KIAA1586: variants seen among roughly 807,000 people sequenced by gnomAD.
KIAA1586 encodes KIAA1586.
Under a neutral mutation model 6.1 loss-of-function variants are expected in KIAA1586, and 5 were observed. The ratio of observed to expected loss-of-function variants is 0.82; its 90% CI spans 0.43 to 1.73. The LOEUF (loss-of-function observed/expected upper bound fraction) is 1.73. KIAA1586 is among the 40% of genes most tolerant of loss of function. The probability of loss-of-function intolerance (pLI) is 0.02; values close to 1 mark genes in which losing one functional copy is unlikely to be tolerated. For synonymous variants in KIAA1586, 280 were observed against 301.7 expected (o/e 0.93, Z 0.75); for missense variants, 899 against 878.2 (o/e 1.02, Z -0.30).
chr6:57,053,347 A>C lies in KIAA1586; in HGVS notation c.848A>C (p.Asn283Thr). ...AAAAATGGAGAGGTAAATTGTTTAA[A>C]TACACGTTACAGTGCAACAAGAATA... ...QEKNGEVNCL[N>T]TRYSATRIAE... Residue 283 changes from asparagine to threonine, a missense_variant, in exon 4 of 4, where the codon AAT (asparagine) becomes ACT (threonine). Asn to Thr is a moderately conservative substitution (Grantham distance 65). Transcript: ENST00000370733. 6.2e-7 allele frequency: 1 copy of C among 1,612,684 alleles called. No homozygotes were observed. Among genetic ancestry groups the C allele is most frequent in the East Asian group, 2.2e-5 (1 of 44,826 alleles).
rs1382887371 is a variant in KIAA1586 at position 57,054,727 on chromosome 6, T to C, written c.2228T>C (p.Leu743Ser). 1 of 1,551,462 alleles carries C rather than the reference T, an allele frequency of 6.4e-7. No individual in the cohort carries two copies. Among genetic ancestry groups the C allele is most frequent in the Non-Finnish European group, 8.7e-7 (1 of 1,146,844 alleles). ...LMTINLLGKE[L>S]ADWDATPFVK... is the part of the protein sequence containing the mutation. ...ACAATAAATTTACTGGGGAAAGAATTAGCAGATTGGGATGCAACACCGTTT... is the reference window on the plus strand; with the variant it reads ...ACAATAAATTTACTGGGGAAAGAATCAGCAGATTGGGATGCAACACCGTTT... The change falls in exon 4 of 4, where the codon TTA (leucine) becomes TCA (serine). Residue 743 changes from leucine (L) to serine (S), a missense_variant. Physicochemically the swap from Leu to Ser is moderately radical, Grantham distance 145. Transcript: ENST00000370733.
chr6:57,046,872 C>G, intron 1 of KIAA1586, 96 bp downstream of exon 1: 1 of 1,486,768 alleles, frequency 6.7e-7, no homozygotes. Context: ...GTCGCAGCCT[C>G]GGGGCGATAC....
chr6:57,054,851 G>T lies in KIAA1586; in HGVS notation c.2352G>T (p.Trp784Cys). The change falls in exon 4 of 4, where the codon TGG becomes TGT. Residue 784 changes from tryptophan (W) to cysteine (C), a missense_variant. Coordinates refer to ENST00000370733, the MANE Select transcript of KIAA1586 (RefSeq NM_020931.4). Reference sequence around the variant, plus strand: ...TCCATGAGAATCAATTGGCTATATGGAACTTAAAATAGAATATTGTATACG... The same window carrying T: ...TCCATGAGAATCAATTGGCTATATGTAACTTAAAATAGAATATTGTATACG... Reference protein sequence around the residue: ...KVFHENQLAIWNLK With the variant: ...KVFHENQLAICNLK 6.5e-7 allele frequency: 1 copy of T among 1,547,218 alleles called. No homozygotes were observed. Among genetic ancestry groups the T allele is most frequent in the Non-Finnish European group, 8.7e-7 (1 of 1,144,468 alleles).
At chr6:57,065,879 A>G in the KIAA1586 span, among the ~76,000 whole-genome samples, 1 of 152,208 alleles carries the variant, frequency 6.6e-6, no homozygotes, top group Non-Finnish European at 1.5e-5. Flanking sequence ...GACTGAATAC[A>G]TGGCCTATCT....
At chr6:57,055,663 C>A (rs111493140), downstream of KIAA1586, among the ~76,000 whole-genome samples, 1 of 152,078 alleles carries the variant, frequency 6.6e-6, no homozygotes, top group Non-Finnish European at 1.5e-5. Context: ...TTATTTTAAT[C>A]ATGATTAAAT....
chr6:57,053,117 A>G lies in KIAA1586; in HGVS notation c.618A>G (p.Lys206=), dbSNP rs765533267. 2 of 1,610,736 alleles carry G rather than the reference A, an allele frequency of 1.2e-6. No individual in the cohort carries two copies. Among genetic ancestry groups the G allele is most frequent in the East Asian group, 2.2e-5 (1 of 44,850 alleles). Residue 206 remains lysine, a synonymous_variant, in exon 4 of 4, where the codon AAA becomes AAG. Coordinates refer to ENST00000370733, the MANE Select transcript of KIAA1586 (RefSeq NM_020931.4). ...CTAGGCAAGCTTCTCTACGAAAAAAAATTAGGGAACATGATGTTTCTAAAG... is the reference window on the plus strand; with the variant it reads ...CTAGGCAAGCTTCTCTACGAAAAAAGATTAGGGAACATGATGTTTCTAAAG... ...KTTRQASLRK[K]IREHDVSKAH...
the KIAA1586 span, among the ~76,000 whole-genome samples, chr6:57,060,264 T>C: frequency 6.6e-6 from 1 of 152,096 alleles, no homozygotes; most frequent in African/African-American, 2.4e-5. Flanking sequence ...CCTGGCACAG[T>C]TTTAGGGATG....
chr6:57,058,511 A>G (rs962811477), downstream of KIAA1586, among the ~76,000 whole-genome samples: 6 of 152,216 alleles, frequency 3.9e-5, no homozygotes, highest in Admixed American at 6.5e-5. Context: ...TTTTCTTCCA[A>G]TAACAGGGAT....
Position 57,053,655 on chromosome 6 carries a change from G to A in KIAA1586, c.1156G>A (p.Ala386Thr). The change falls in exon 4 of 4, where the codon GCA (alanine) becomes ACA (threonine). Residue 386 changes from alanine (A) to threonine (T), a missense_variant. Coordinates refer to ENST00000370733, the MANE Select transcript of KIAA1586 (RefSeq NM_020931.4). ...TNEYLKANLI[A>T]FCSDGANTIL... is the part of the protein sequence containing the mutation. ...TGAATATTTGAAAGCAAATTTAATT[G>A]CATTTTGTTCTGATGGTGCTAATAC... The A allele has an allele frequency of 6.2e-7, 1 of 1,611,708 alleles. No individual in the cohort carries two copies. Among genetic ancestry groups the A allele is most frequent in the Non-Finnish European group, 8.5e-7 (1 of 1,178,348 alleles).
chr6:57,064,953 T>C, the KIAA1586 span, among the ~76,000 whole-genome samples: 1 of 152,176 alleles, frequency 6.6e-6, no homozygotes, highest in African/African-American at 2.4e-5. Context: ...AGATATTCTC[T>C]GTGCTTTTTC....
In KIAA1586 at chr6:57,053,062, T is replaced by C. The variant is rs1386353906; in HGVS notation, c.563T>C (p.Leu188Ser). The C allele has an allele frequency of 3.1e-6, 5 of 1,613,146 alleles. No homozygotes were observed. The East Asian group carries it at 8.9e-5, about 29-fold the overall frequency. Residue 188 changes from leucine to serine, a missense_variant, in exon 4 of 4, where the codon TTA becomes TCA. By Grantham distance (145) the Leu-to-Ser change is moderately radical. Coordinates refer to ENST00000370733, the MANE Select transcript of KIAA1586 (RefSeq NM_020931.4). ...GTGTCCAAGGAATGGATTGCATATTTAGTAACCCCTAATGGCAGTAATAAA... is the reference window on the plus strand; with the variant it reads ...GTGTCCAAGGAATGGATTGCATATTCAGTAACCCCTAATGGCAGTAATAAA... ...VHVSKEWIAY[L>S]VTPNGSNKTT...
the KIAA1586 span, among the ~76,000 whole-genome samples, chr6:57,063,405 T>C: frequency 4.0e-5 from 6 of 151,742 alleles, 1 homozygote; most frequent in African/African-American, 1.4e-4. Flanking sequence ...TAAAATAATT[T>C]AACTTTTTTC....
Position 57,054,362 on chromosome 6 carries a change from CAG to C in KIAA1586, c.1865_1866del (p.Arg622LysfsTer3), listed in dbSNP as rs770706672. On this transcript the variant is annotated frameshift_variant, in exon 4 of 4. Transcript: ENST00000370733. LOFTEE classifies it low-confidence loss of function (END_TRUNC). ...QHMNLRLLSDRNHEDIFNYFD... is the reference protein window; with the variant it reads ...QHMNLRLLSDXNHEDIFNYFD... ...ACATGAACCTACGCCTTTTATCTGA[CAG>C]AAACCATGAAGATATTTTTAATTAC... 6.2e-7 allele frequency: 1 copy of C among 1,606,412 alleles called. No homozygotes were observed. Among genetic ancestry groups the C allele is most frequent in the South Asian group, 1.1e-5 (1 of 89,412 alleles).
rs1828450380 is a variant in KIAA1586, at chr6:57,054,565, C to CTATA, written c.2069_2072dup (p.Lys692IlefsTer4). 1 of 1,608,520 alleles carries CTATA rather than the reference C, an allele frequency of 6.2e-7. No homozygotes were observed. Among genetic ancestry groups the CTATA allele is most frequent in the African/African-American group, 1.3e-5 (1 of 74,820 alleles). ...TCAAACAATGTTTCAATTCCTACAA[C>CTATA]TATATACAAAGCTAAAAAGATAGTT... On this transcript the variant is annotated frameshift_variant, in exon 4 of 4. Coordinates refer to ENST00000370733, the MANE Select transcript of KIAA1586 (RefSeq NM_020931.4). LOFTEE classifies it low-confidence loss of function (END_TRUNC).
intron 3 of KIAA1586, among the ~76,000 whole-genome samples, 156 bp downstream of exon 3, chr6:57,051,010 A>T (rs1388542187): frequency 6.6e-6 from 1 of 151,970 alleles, no homozygotes. Context: ...CGGTTGGATC[A>T]CTTGAGGCCA....
At position 57,054,575 on chromosome 6, in the gene KIAA1586, A is replaced by G; in HGVS notation, c.2076A>G (p.Lys692=). ...NNVSIPTTIY[K]AKKIVSTIAI... Reference sequence around the variant, plus strand: ...TTTCAATTCCTACAACTATATACAAAGCTAAAAAGATAGTTAGCACCATTG... The same window carrying G: ...TTTCAATTCCTACAACTATATACAAGGCTAAAAAGATAGTTAGCACCATTG... The change falls in exon 4 of 4, where the codon AAA becomes AAG. Residue 692 remains lysine (K), a synonymous_variant. Coordinates refer to ENST00000370733, the MANE Select transcript of KIAA1586 (RefSeq NM_020931.4). 6.2e-7 allele frequency: 1 copy of G among 1,608,438 alleles called. No individual in the cohort carries two copies. Among genetic ancestry groups the G allele is most frequent in the South Asian group, 1.1e-5 (1 of 90,512 alleles).
the KIAA1586 span, among the ~76,000 whole-genome samples, chr6:57,065,740 T>C: frequency 1.7e-3 from 256 of 152,298 alleles, no homozygotes; most frequent in African/African-American, 6.0e-3. Context: ...AAGTACACAA[T>C]GGACCCTTTC....
intron 2 of KIAA1586, among the ~76,000 whole-genome samples, chr6:57,050,476 C>T (rs887126643): frequency 2.6e-5 from 4 of 151,204 alleles, no homozygotes; most frequent in Non-Finnish European, 4.4e-5. Context: ...AGCCACCGTA[C>T]CCATCTGATT....
Position 57,054,333 on chromosome 6 carries a change from C to G in KIAA1586, c.1834C>G (p.Gln612Glu). The G allele has an allele frequency of 6.3e-7, 1 of 1,591,152 alleles. No homozygotes were observed. Among genetic ancestry groups the G allele is most frequent in the Admixed American group, 1.9e-5 (1 of 53,324 alleles). Residue 612 changes from glutamine (Q) to glutamate (E), a missense_variant, in exon 4 of 4, where the codon CAG becomes GAG. Gln to Glu is a conservative substitution (Grantham distance 29, BLOSUM62 2). Coordinates refer to ENST00000370733, the MANE Select transcript of KIAA1586 (RefSeq NM_020931.4). Reference sequence around the variant, plus strand: ...GAGTATATTACTAGACAATATAATTCAGCACATGAACCTACGCCTTTTATC... The same window carrying G: ...GAGTATATTACTAGACAATATAATTGAGCACATGAACCTACGCCTTTTATC... Reference protein sequence around the residue: ...PRSILLDNIIQHMNLRLLSDR... With the variant: ...PRSILLDNIIEHMNLRLLSDR...
Sources: gnomAD v4.1 joint callset for allele counts (sites outside exome capture counted in the v4.1 genomes callset) on GRCh38, gnomAD v4.1.1 for gene constraint, MANE v1.5 for transcripts, NCBI Gene and HGNC (gene_info 2026-07-23, HGNC 2026-07-21) for gene names.